The following PCLO variants were observed in gnomAD, a reference collection of about 807,000 sequenced individuals.
PCLO encodes piccolo presynaptic cytomatrix protein.
PCLO carries 82 observed loss-of-function variants against 427.5 expected under a neutral mutation model. That is an observed-to-expected ratio of 0.19 (90% CI 0.16 to 0.23). The LOEUF is 0.23. Ranked by LOEUF, PCLO falls within the 10% of genes least tolerant of loss-of-function variation. The pLI is 1.00. For missense variants in PCLO, 6,239 were observed against 6,115.9 expected (o/e 1.02, Z -0.67); for synonymous variants, 2,357 against 2,155.4 (o/e 1.09, Z -2.59).
At chr7:82,792,233 T>A (rs1375418815) in intron 22 of PCLO, among the ~76,000 whole-genome samples, 2 of 152,162 alleles carry the variant, frequency 1.3e-5, no homozygotes, top group African/African-American at 4.8e-5. Flanking sequence ...ATTATTTACT[T>A]CAAATAATAC....
chr7:83,086,329 G>T (rs908141280), intron 3 of PCLO, among the ~76,000 whole-genome samples: 1 of 152,004 alleles, frequency 6.6e-6, no homozygotes, highest in African/African-American at 2.4e-5. Context: ...GGCTGGTCTT[G>T]AACTCCTGAC....
At chr7:83,104,693 T>C (rs976304163) in intron 3 of PCLO, among the ~76,000 whole-genome samples, 2 of 152,100 alleles carry the variant, frequency 1.3e-5, no homozygotes, top group Admixed American at 6.6e-5. Context: ...GTTTACAATA[T>C]AATAGTGGAA....
intron 4 of PCLO, among the ~76,000 whole-genome samples, chr7:82,963,358 G>T (rs971295112): frequency 1.3e-5 from 2 of 151,914 alleles, no homozygotes; most frequent in Non-Finnish European, 2.9e-5. Flanking sequence ...CACATTTTCT[G>T]ATAGTTAACA....
intron 6 of PCLO, among the ~76,000 whole-genome samples, chr7:82,918,292 C>T (rs1794515640): frequency 6.6e-6 from 1 of 151,868 alleles, no homozygotes; most frequent in Non-Finnish European, 1.5e-5. Flanking sequence ...CACAATTAAT[C>T]ACAGAATTGT....
chr7:82,869,760 A>G (rs896357502), intron 10 of PCLO, among the ~76,000 whole-genome samples: 2 of 152,034 alleles, frequency 1.3e-5, no homozygotes, highest in Non-Finnish European at 2.9e-5. Context: ...GGTGCACAGT[A>G]GTAGTAAAGA....
chr7:82,956,113 T>C lies in PCLO; in HGVS notation c.4840A>G (p.Lys1614Glu). 6.2e-7 allele frequency: 1 copy of C among 1,610,126 alleles called. No individual in the cohort carries two copies. Among genetic ancestry groups the C allele is most frequent in the Non-Finnish European group, 8.5e-7 (1 of 1,179,862 alleles). The change falls in exon 5 of 25, where the codon AAA becomes GAA. Residue 1614 changes from lysine (K) to glutamate (E), a missense_variant. Physicochemically the swap from Lys to Glu is moderately conservative, Grantham distance 56. Coordinates refer to ENST00000333891, the MANE Select transcript of PCLO (RefSeq NM_033026.6). ...TCTTCATCAATGCTTGTGCTACTTT[T>C]TCGAGTCAGTCGTCTGTGTTTCCCT... The part of the protein sequence containing the change: ...TAGKHRRLTR[K>E]SSTSIDEDAG...
At chr7:82,964,545 T>C (rs1367016228) in intron 4 of PCLO, among the ~76,000 whole-genome samples, 2 of 152,080 alleles carry the variant, frequency 1.3e-5, no homozygotes, top group Non-Finnish European at 2.9e-5. Context: ...ATCTGGACTT[T>C]GCAAAGATAA....
At chr7:83,135,779 A>G in intron 2 of PCLO, 123 bp from the exon 3 acceptor site, 1 of 585,964 alleles carries the variant, frequency 1.7e-6, no homozygotes, top group South Asian at 2.6e-5. Context: ...AAATATAGAG[A>G]AAATTATTTT....
At chr7:82,890,303 A>C (rs576360657) in intron 9 of PCLO, among the ~76,000 whole-genome samples, 1 of 152,172 alleles carries the variant, frequency 6.6e-6, no homozygotes, top group East Asian at 1.9e-4. Context: ...GTACACGTAA[A>C]TATATGTACA....
chr7:82,984,378 A>C (rs2115796234), intron 3 of PCLO, among the ~76,000 whole-genome samples: 1 of 150,022 alleles, frequency 6.7e-6, no homozygotes, highest in Non-Finnish European at 1.5e-5. Flanking sequence ...AAAACTGTCT[A>C]TTCACCTTAG....
At chr7:82,965,452 G>A (rs1335502403) in intron 4 of PCLO, among the ~76,000 whole-genome samples, 1 of 151,342 alleles carries the variant, frequency 6.6e-6, no homozygotes, top group African/African-American at 2.4e-5. Context: ...GGGGGATATT[G>A]ATTTTTATAT....
chr7:82,821,757 T>C, intron 20 of PCLO: 2 of 983,516 alleles, frequency 2.0e-6, no homozygotes, highest in Non-Finnish European at 2.4e-6. Flanking sequence ...ATACAAAGTG[T>C]GATCCAACAG....
chr7:83,025,959 A>G (rs932383324), intron 3 of PCLO, among the ~76,000 whole-genome samples: 3 of 152,298 alleles, frequency 2.0e-5, no homozygotes, highest in Non-Finnish European at 2.9e-5. Flanking sequence ...AGGAAGCGCT[A>G]AACATGGAAA....
intron 3 of PCLO, among the ~76,000 whole-genome samples, chr7:83,021,415 G>C (rs1294583209): frequency 1.3e-5 from 2 of 152,046 alleles, no homozygotes; most frequent in Admixed American, 6.6e-5. Context: ...TTGGCACTGT[G>C]ATTTTGGACA....
At chr7:82,896,111 CTA>C (rs923071547) in intron 9 of PCLO, among the ~76,000 whole-genome samples, 32 of 151,940 alleles carry the variant, frequency 2.1e-4, no homozygotes, top group African/African-American at 7.7e-4. Context: ...CTCACCTTGA[CTA>C]TGTGGCAGTT....
Position 83,140,694 on chromosome 7 carries a change from A to G in PCLO, c.1894-5038T>C, listed in dbSNP as rs529625989. ...CAAGATGCATGCCATTCTCCATAGAACCCTACTTTGTACCTTAGGCCACTG... is the reference window on the plus strand; with the variant it reads ...CAAGATGCATGCCATTCTCCATAGAGCCCTACTTTGTACCTTAGGCCACTG... On this transcript the variant is annotated intron_variant, in intron 2 of 24. Coordinates refer to ENST00000333891, the MANE Select transcript of PCLO (RefSeq NM_033026.6). Among the ~76,000 whole-genome samples, 17 of 152,224 alleles carry G rather than the reference A, an allele frequency of 1.1e-4. No homozygotes were observed. The South Asian group carries it at 2.5e-3, about 22-fold the overall frequency.
At chr7:82,932,252 T>C (rs978108507) in intron 6 of PCLO, among the ~76,000 whole-genome samples, 1 of 152,156 alleles carries the variant, frequency 6.6e-6, no homozygotes, top group Non-Finnish European at 1.5e-5. Flanking sequence ...CCTGGCAAGA[T>C]GCAGATAAGA....
chr7:83,046,908 T>A (rs1789117072), intron 3 of PCLO, among the ~76,000 whole-genome samples: 1 of 151,968 alleles, frequency 6.6e-6, no homozygotes, highest in African/African-American at 2.4e-5. Flanking sequence ...ATTTTAAAAG[T>A]AAGAAGAAAA....
chr7:82,966,344 T>C lies in PCLO; in HGVS notation c.3444A>G (p.Thr1148=). 1 of 1,613,980 alleles carries C rather than the reference T, an allele frequency of 6.2e-7. No individual in the cohort carries two copies. Among genetic ancestry groups the C allele is most frequent in the South Asian group, 1.1e-5 (1 of 91,084 alleles). ...CTAATTTTACTTGGGGAGGCACTGC[T>C]GTTTTCTGAGATGATGATTCTGTAG... ...PVPTESSSQK[T]AVPPQVKLVK... is the part of the protein sequence containing the mutation. The change falls in exon 4 of 25, where the codon ACA becomes ACG. Residue 1148 remains threonine, a synonymous_variant. Transcript: ENST00000333891.
Sources: allele counts gnomAD v4.1 joint callset (sites outside exome capture counted in the v4.1 genomes callset), GRCh38; gene constraint gnomAD v4.1.1; transcripts MANE v1.5; gene names NCBI Gene and HGNC (gene_info 2026-07-23, HGNC 2026-07-21).